SLC23A2: variants seen among roughly 807,000 people sequenced by gnomAD.
SLC23A2 encodes the protein solute carrier family 23 member 2, also known as Na(+)/L-ascorbic acid transporter 2.
Under a neutral mutation model 73.3 loss-of-function variants are expected in SLC23A2, and 36 were observed. The observed-to-expected ratio is 0.49, with a 90% CI of 0.38 to 0.65. The LOEUF (loss-of-function observed/expected upper bound fraction) is 0.65. Ranked by LOEUF, SLC23A2 falls within the 30% of genes least tolerant of loss-of-function variation. The probability of loss-of-function intolerance (pLI) is 0.00; values close to 1 mark genes in which losing one functional copy is unlikely to be tolerated. For missense variants in SLC23A2, 507 were observed against 841.6 expected, an observed-to-expected ratio of 0.60 and a Z score of 4.92; for synonymous variants, 343 against 327.3, an observed-to-expected ratio of 1.05 and a Z score of -0.52.
At chr20:4,922,315 A>C (rs1472848165) in intron 3 of SLC23A2, among the ~76,000 whole-genome samples, 2 of 152,194 alleles carry the variant, frequency 1.3e-5, no homozygotes, top group Non-Finnish European at 2.9e-5. Context: ...GATCACACAG[A>C]GGTTGTCACG....
chr20:5,007,864 A>G (rs1354196355), intron 1 of SLC23A2, among the ~76,000 whole-genome samples: 2 of 151,748 alleles, frequency 1.3e-5, no homozygotes, highest in Non-Finnish European at 2.9e-5. Context: ...GTGCTTCAAT[A>G]TTTCATTCCT....
At chr20:4,985,638 G>A (rs967361690) in intron 1 of SLC23A2, among the ~76,000 whole-genome samples, 2 of 152,118 alleles carry the variant, frequency 1.3e-5, no homozygotes, top group Non-Finnish European at 2.9e-5. Context: ...AGTAGACGCA[G>A]GGTTTCACCA....
intron 3 of SLC23A2, among the ~76,000 whole-genome samples, chr20:4,927,834 C>T (rs928339021): frequency 6.6e-6 from 1 of 152,110 alleles, no homozygotes; most frequent in Non-Finnish European, 1.5e-5. Context: ...TCTTCCTGTG[C>T]TACCCCACTG....
At chr20:4,859,650 C>T (rs1317615582) in intron 15 of SLC23A2, among the ~76,000 whole-genome samples, 3 of 152,128 alleles carry the variant, frequency 2.0e-5, no homozygotes, top group East Asian at 1.9e-4. Flanking sequence ...GAGTGGTGTT[C>T]ACCCTACAAC....
At chr20:4,877,012 A>C (rs1204330643) in intron 9 of SLC23A2, among the ~76,000 whole-genome samples, 1 of 151,880 alleles carries the variant, frequency 6.6e-6, no homozygotes, top group Non-Finnish European at 1.5e-5. Flanking sequence ...TGTTTTATGG[A>C]CATACCAGGG....
chr20:5,007,971 A>C (rs1334049491), intron 1 of SLC23A2, among the ~76,000 whole-genome samples: 2 of 151,470 alleles, frequency 1.3e-5, no homozygotes, highest in African/African-American at 4.9e-5. Context: ...GTGCAATGGC[A>C]TGATCTTGGC....
intron 2 of SLC23A2, among the ~76,000 whole-genome samples, chr20:4,948,837 C>T (rs2087155668): frequency 1.3e-5 from 2 of 152,098 alleles, no homozygotes; most frequent in Non-Finnish European, 2.9e-5. Context: ...GGTATCTGAA[C>T]CTGACATTTT....
rs1307359265 is a variant in SLC23A2, at chr20:4,863,446, G to C, written c.1357-539C>G. Among the ~76,000 whole-genome samples the C allele has an allele frequency of 1.3e-5, 2 of 152,232 alleles. No homozygotes were observed. Among genetic ancestry groups the C allele is most frequent in the African/African-American group, 2.4e-5 (1 of 41,446 alleles). ...GACTGTATGGTCGGGCCGACCCGTA[G>C]CCTCTAGAGTCTCAGGATCTTCATC... is the stretch of plus-strand genomic sequence containing the variant. On this transcript the variant is annotated intron_variant, in intron 13 of 16. Transcript: ENST00000338244. The surrounding 1 kb of genome is among the most constrained non-coding windows in gnomAD (Gnocchi z 4.8).
chr20:5,004,855 C>T (rs891875476), upstream of SLC23A2, among the ~76,000 whole-genome samples: 29 of 151,838 alleles, frequency 1.9e-4, no homozygotes, highest in Non-Finnish European at 3.8e-4. Flanking sequence ...CAAAATTAGC[C>T]GAGCATGGTG....
At chr20:4,972,453 C>A (rs2087576302) in intron 1 of SLC23A2, among the ~76,000 whole-genome samples, 1 of 149,434 alleles carries the variant, frequency 6.7e-6, no homozygotes, top group Non-Finnish European at 1.5e-5. Context: ...AAATTGATGT[C>A]TTTCCCTTTC....
chr20:4,898,170 G>C (rs1215817325), intron 6 of SLC23A2, among the ~76,000 whole-genome samples: 1 of 152,230 alleles, frequency 6.6e-6, no homozygotes, highest in East Asian at 1.9e-4. Flanking sequence ...CCCCCTGGGG[G>C]GTTTGAGGAG....
intron 1 of SLC23A2, among the ~76,000 whole-genome samples, chr20:4,984,981 A>G (rs2087799933): frequency 6.6e-6 from 1 of 152,114 alleles, no homozygotes; most frequent in South Asian, 2.1e-4. Context: ...TACTAAAAAT[A>G]CAAAAATTAG....
chr20:4,904,404 C>T (rs575608625), intron 4 of SLC23A2, among the ~76,000 whole-genome samples: 65 of 152,138 alleles, frequency 4.3e-4, no homozygotes, highest in Non-Finnish European at 2.9e-4. Context: ...TAGACCCTGC[C>T]TATGTGCCTT....
intron 13 of SLC23A2, among the ~76,000 whole-genome samples, chr20:4,864,269 G>A (rs1467452850): frequency 6.6e-6 from 1 of 152,094 alleles, no homozygotes; most frequent in Non-Finnish European, 1.5e-5. Flanking sequence ...ACGTACACCG[G>A]CCACATCTCA....
intron 2 of SLC23A2, among the ~76,000 whole-genome samples, chr20:4,938,004 C>T (rs1869832889): frequency 6.6e-6 from 1 of 151,996 alleles, no homozygotes; most frequent in African/African-American, 2.4e-5. Flanking sequence ...ATCACAACAG[C>T]CACTTAACTC....
Position 4,953,824 on chromosome 20 carries a change from G to A in SLC23A2, c.-155+16969C>T, listed in dbSNP as rs901163152. On this transcript the variant is annotated intron_variant, in intron 2 of 16. Coordinates refer to ENST00000338244, the MANE Select transcript of SLC23A2 (RefSeq NM_005116.6). ...GAATCACTTAAACGCAGGAGGCGGA[G>A]GTTGCAGTCAGCTGAGATTATGCCA... is the stretch of plus-strand genomic sequence containing the variant. 2.0e-5 allele frequency among the ~76,000 whole-genome samples: 3 copies of A among 152,122 alleles called. No homozygotes were observed. In the East Asian group the frequency reaches 5.8e-4, roughly 29 times the overall value.
At chr20:4,986,289 C>A (rs1257154270) in intron 1 of SLC23A2, among the ~76,000 whole-genome samples, 1 of 151,972 alleles carries the variant, frequency 6.6e-6, no homozygotes, top group Non-Finnish European at 1.5e-5. Context: ...TAGAGAGACC[C>A]CTTTCGCCAC....
intron 2 of SLC23A2, among the ~76,000 whole-genome samples, chr20:4,935,047 C>T (rs1199282346): frequency 2.0e-5 from 3 of 151,560 alleles, no homozygotes; most frequent in Admixed American, 1.3e-4. Flanking sequence ...ATTAGCTGGG[C>T]GTGGTGGCGG....
intron 1 of SLC23A2, among the ~76,000 whole-genome samples, chr20:4,972,832 G>C (rs572298297): frequency 1.3e-5 from 2 of 151,692 alleles, no homozygotes; most frequent in African/African-American, 2.4e-5. Flanking sequence ...TGATCCACCC[G>C]CCTCGGCTCC....
Sources: allele counts gnomAD v4.1 joint callset (sites outside exome capture counted in the v4.1 genomes callset), GRCh38; gene constraint gnomAD v4.1.1; non-coding constraint Gnocchi (gnomAD v3.1); transcripts MANE v1.5; gene names NCBI Gene and HGNC (gene_info 2026-07-23, HGNC 2026-07-21).